NCKAP5: variants seen among roughly 807,000 people sequenced by gnomAD.
NCKAP5 encodes the protein NCK associated protein 5.
In NCKAP5, 92 loss-of-function variants were observed where a neutral mutation model predicts 167.0. The ratio of observed to expected loss-of-function variants is 0.55; its 90% CI spans 0.47 to 0.66. The LOEUF is 0.66. Ranked by LOEUF, NCKAP5 falls within the 30% of genes least tolerant of loss-of-function variation. The probability of loss-of-function intolerance (pLI) is 0.00; values close to 1 mark genes in which losing one functional copy is unlikely to be tolerated. For synonymous variants in NCKAP5, 891 were observed against 877.4 expected (o/e 1.02, Z -0.27); for missense variants, 2,378 against 2,315.0 (o/e 1.03, Z -0.56).
rs80090660 is a variant in NCKAP5 at position 133,187,089 on chromosome 2, A to G, written c.207+26627T>C. Among the ~76,000 whole-genome samples, 10 of 152,120 alleles carry G rather than the reference A, an allele frequency of 6.6e-5. No individual in the cohort carries two copies. In the East Asian group the frequency reaches 1.7e-3, roughly 26 times the overall value. On this transcript the variant is annotated intron_variant, in intron 5 of 19. Coordinates refer to ENST00000409261, the MANE Select transcript of NCKAP5 (RefSeq NM_207363.3). ...TTCTAACTTCTTGATGAAGGTGTTT[A>G]ATGCTATAAACTTTCCTCTTATCAT... is the stretch of plus-strand genomic sequence containing the variant.
chr2:133,477,401 G>A (rs1680016738), intron 3 of NCKAP5, among the ~76,000 whole-genome samples: 1 of 152,096 alleles, frequency 6.6e-6, no homozygotes, highest in African/African-American at 2.4e-5. Flanking sequence ...TGCTCTATCT[G>A]CTCCAGGAAG....
At chr2:133,007,736 C>A (rs2078016823) in intron 6 of NCKAP5, among the ~76,000 whole-genome samples, 1 of 152,098 alleles carries the variant, frequency 6.6e-6, no homozygotes, top group Non-Finnish European at 1.5e-5. Flanking sequence ...CAAAAATCGT[C>A]CTGGTTTGGA....
intron 19 of NCKAP5, among the ~76,000 whole-genome samples, chr2:132,715,375 C>T (rs528020899): frequency 6.6e-6 from 1 of 152,130 alleles, no homozygotes; most frequent in African/African-American, 2.4e-5. Flanking sequence ...AGAGTTCTGG[C>T]AAGGGGCTCT....
intron 5 of NCKAP5, among the ~76,000 whole-genome samples, chr2:133,204,284 T>TTA (rs2085844887): frequency 1.3e-5 from 2 of 152,328 alleles, no homozygotes; most frequent in African/African-American, 4.8e-5. Context: ...GAGACATCAG[T>TTA]TAATACCATT....
chr2:133,297,205 G>T (rs1680028281), intron 4 of NCKAP5, among the ~76,000 whole-genome samples: 1 of 143,788 alleles, frequency 7.0e-6, no homozygotes, highest in South Asian at 2.2e-4. Flanking sequence ...GTGTGTGTGT[G>T]TGTGTTTTAA....
At chr2:133,505,509 T>G (rs1456152189) in intron 3 of NCKAP5, among the ~76,000 whole-genome samples, 1 of 152,164 alleles carries the variant, frequency 6.6e-6, no homozygotes, top group Non-Finnish European at 1.5e-5. Flanking sequence ...GAAGTCTGCA[T>G]GCCAGGCATG....
At chr2:132,987,932 T>C (rs2149288834) in intron 7 of NCKAP5, among the ~76,000 whole-genome samples, 1 of 152,336 alleles carries the variant, frequency 6.6e-6, no homozygotes, top group Middle Eastern at 3.4e-3. Context: ...CAGTAACTCT[T>C]TCAAAGCGTT....
At chr2:133,193,192 A>G (rs1212987195) in intron 5 of NCKAP5, among the ~76,000 whole-genome samples, 1 of 152,128 alleles carries the variant, frequency 6.6e-6, no homozygotes, top group Non-Finnish European at 1.5e-5. Flanking sequence ...ACATTCTTGA[A>G]ATGAGAATAT....
At chr2:132,899,873 TCAAA>T (rs959060567) in intron 8 of NCKAP5, among the ~76,000 whole-genome samples, 21 of 152,048 alleles carry the variant, frequency 1.4e-4, no homozygotes, top group Admixed American at 6.6e-4. Context: ...AGACTCCATC[TCAAA>T]CAAACAAACA....
At chr2:133,405,323 A>T (rs1240808806) in intron 3 of NCKAP5, among the ~76,000 whole-genome samples, 1 of 152,180 alleles carries the variant, frequency 6.6e-6, no homozygotes, top group Non-Finnish European at 1.5e-5. Context: ...AGCTTATCTA[A>T]TACACATACT....
At chr2:132,737,903 C>T (rs1225809096) in intron 16 of NCKAP5, among the ~76,000 whole-genome samples, 2 of 152,244 alleles carry the variant, frequency 1.3e-5, no homozygotes, top group Non-Finnish European at 2.9e-5. Flanking sequence ...TCTTATTCTA[C>T]AGAATGGTAA....
chr2:133,597,161 C>G, the NCKAP5 span, among the ~76,000 whole-genome samples: 1 of 152,222 alleles, frequency 6.6e-6, no homozygotes, highest in East Asian at 1.9e-4. Flanking sequence ...GGAGCCACAG[C>G]ATCCGGCAAA....
At chr2:133,484,346 C>T (rs1178906628) in intron 3 of NCKAP5, among the ~76,000 whole-genome samples, 1 of 152,136 alleles carries the variant, frequency 6.6e-6, no homozygotes, top group East Asian at 1.9e-4. Flanking sequence ...CAGAGAGAGT[C>T]CACTGCTGGT....
At chr2:132,766,109 G>A (rs768203349) in intron 16 of NCKAP5, among the ~76,000 whole-genome samples, 4 of 151,724 alleles carry the variant, frequency 2.6e-5, no homozygotes, top group Non-Finnish European at 4.4e-5. Flanking sequence ...GTGAAACCCC[G>A]TCTCTACTAA....
chr2:133,656,046 A>T, the NCKAP5 span, among the ~76,000 whole-genome samples: 2 of 152,196 alleles, frequency 1.3e-5, no homozygotes, highest in Non-Finnish European at 2.9e-5. Context: ...ACGGATTTTC[A>T]AATGTTTTAA....
intron 2 of NCKAP5, among the ~76,000 whole-genome samples, chr2:133,545,058 G>T (rs1686541869): frequency 6.6e-6 from 1 of 152,112 alleles, no homozygotes; most frequent in East Asian, 1.9e-4. Flanking sequence ...ACTCCCCTGG[G>T]TCCCTACAAA....
At chr2:133,616,530 C>G in the NCKAP5 span, among the ~76,000 whole-genome samples, 94,002 of 149,872 alleles carry the variant, frequency 0.63, 30,608 homozygotes, top group Middle Eastern at 0.78. Context: ...ACACCTCTAC[C>G]CAAATAAACT....
intron 5 of NCKAP5, among the ~76,000 whole-genome samples, chr2:133,168,420 G>A (rs189765644): frequency 5.9e-5 from 9 of 151,846 alleles, no homozygotes; most frequent in East Asian, 5.8e-4. Flanking sequence ...AGAGGTGTCC[G>A]CACTGTTTCT....
chr2:133,597,338 C>G, the NCKAP5 span, among the ~76,000 whole-genome samples: 1 of 152,156 alleles, frequency 6.6e-6, no homozygotes, highest in African/African-American at 2.4e-5. Flanking sequence ...GCAGGTGATC[C>G]TGATGGATGC....
Sources: allele counts gnomAD v4.1 joint callset (sites outside exome capture counted in the v4.1 genomes callset), GRCh38; gene constraint gnomAD v4.1.1; transcripts MANE v1.5; gene names NCBI Gene and HGNC (gene_info 2026-07-23, HGNC 2026-07-21).